Variants in TRMU observed in about 807,000 individuals in gnomAD.
TRMU encodes mitochondrial tRNA-specific 2-thiouridylase 1.
TRMU carries 49 observed loss-of-function variants against 46.9 expected under a neutral mutation model. The ratio of observed to expected loss-of-function variants is 1.05; its 90% CI spans 0.83 to 1.33. The LOEUF (loss-of-function observed/expected upper bound fraction) is 1.33, where lower values mean the gene tolerates loss of function less well. Among genes scored for constraint, TRMU ranks in the 40% most tolerant of loss-of-function variants. TRMU has a pLI of 0.00. For missense variants in TRMU, 572 were observed against 532.4 expected, an observed-to-expected ratio of 1.07 and a Z score of -0.73; for synonymous variants, 241 against 200.9, an observed-to-expected ratio of 1.20 and a Z score of -1.69.
In TRMU at chr22:46,353,884, C is replaced by T. The variant is rs1417829103; in HGVS notation, c.873+17C>T. On this transcript the variant is annotated intron_variant, in intron 8 of 10. Coordinates refer to ENST00000645190, the MANE Select transcript of TRMU (RefSeq NM_018006.5). ...GTGTTTGTGGTGAGTGGGCCGGCCT[C>T]TGAGACAGCACTGGGGCTGGTTCTG... 2 of 1,611,734 alleles carry T rather than the reference C, an allele frequency of 1.2e-6. No homozygotes were observed. The highest frequency in any genetic ancestry group is 1.1e-5 in the South Asian group (1 of 90,972).
chr22:46,343,776 C>T (rs115344450), intron 3 of TRMU, among the ~76,000 whole-genome samples: 1,633 of 152,098 alleles, frequency 0.011, 30 homozygotes, highest in African/African-American at 0.038. Flanking sequence ...TCTTCCTGTC[C>T]CCTGCCATTG....
rs1569091921 is a variant in TRMU at position 46,357,112 on chromosome 22, G to T, written c.*106G>T. On this transcript the variant is annotated 3_prime_UTR_variant, in exon 11 of 11. Transcript: ENST00000645190. The stretch of plus-strand genomic sequence containing the variant: ...CCAGCTTGCTGCTGCCCAAAGCAGA[G>T]GAAGCCGGGCTGGCTGAGGGTCCGA... The T allele has an allele frequency of 2.3e-5, 35 of 1,520,686 alleles. No individual in the cohort carries two copies. Among genetic ancestry groups the T allele is most frequent in the Non-Finnish European group, 3.1e-5 (35 of 1,118,172 alleles). The allele number at this position is 1,520,686 out of a possible 1,614,324, so 94.2% of individuals were successfully genotyped here. A position where few individuals can be genotyped will look rare whatever the true frequency, so the allele number is the denominator to read the frequency against.
At position 46,350,643 on chromosome 22, in the gene TRMU, A is replaced by T. The variant is rs2078392264; in HGVS notation, c.651+180A>T. 6.6e-6 allele frequency among the ~76,000 whole-genome samples: 1 copy of T among 152,192 alleles called. No individual in the cohort carries two copies. The highest frequency in any genetic ancestry group is 2.4e-5 in the African/African-American group (1 of 41,456). ...AGGCGCACGGTACAGGGCTCTGCTGACATCGGGAGCAGCCTATACGAGACT... is the reference window on the plus strand; with the variant it reads ...AGGCGCACGGTACAGGGCTCTGCTGTCATCGGGAGCAGCCTATACGAGACT... On this transcript the variant is annotated intron_variant, in intron 5 of 10. Coordinates refer to ENST00000645190, the MANE Select transcript of TRMU (RefSeq NM_018006.5). The surrounding 1 kb of genome is among the most constrained non-coding windows in gnomAD (Gnocchi z 4.6).
chr22:46,346,637 C>T, intron 4 of TRMU, 93 bp downstream of exon 4: 1 of 1,438,596 alleles, frequency 7.0e-7, no homozygotes. Context: ...GGATCACTGC[C>T]ACCCCTCCCT....
chr22:46,356,683 C>A, intron 10 of TRMU, 159 bp from the exon 11 acceptor site: 3 of 867,246 alleles, frequency 3.5e-6, no homozygotes, highest in Non-Finnish European at 3.6e-6. Context: ...CTCTCCTCTC[C>A]TGTTCAGCAG....
chr22:46,338,078 C>A lies in TRMU; in HGVS notation c.248+134C>A. The A allele has an allele frequency of 7.8e-7, 1 of 1,279,002 alleles. No homozygotes were observed. Among genetic ancestry groups the A allele is most frequent in the Non-Finnish European group, 1.1e-6 (1 of 889,324 alleles). The allele number at this position is 1,279,002 out of a possible 1,614,324, so 79.2% of individuals were successfully genotyped here. A position where few individuals can be genotyped will look rare whatever the true frequency, so the allele number is the denominator to read the frequency against. On this transcript the variant is annotated intron_variant, in intron 2 of 10. Coordinates refer to ENST00000645190, the MANE Select transcript of TRMU (RefSeq NM_018006.5). The surrounding 1 kb of genome is among the most constrained non-coding windows in gnomAD (Gnocchi z 4.5). The stretch of plus-strand genomic sequence containing the variant: ...CCCTCCACGGTGGTGCTGAAGACTG[C>A]AAGAGGCCTCAGCCACCCTCGGGGC...
intron 4 of TRMU, among the ~76,000 whole-genome samples, chr22:46,346,809 G>T (rs1056872872): frequency 1.3e-5 from 2 of 152,240 alleles, no homozygotes; most frequent in Non-Finnish European, 2.9e-5. Flanking sequence ...TCCAGCTCTC[G>T]ACACTGTGTG....
chr22:46,354,571 G>A (rs2078538320), intron 8 of TRMU: 1 of 152,924 alleles, frequency 6.5e-6, no homozygotes, highest in Non-Finnish European at 1.5e-5. Context: ...CTCATGTTCT[G>A]GCACGAATGC....
Position 46,336,236 on chromosome 22 carries a change from C to G in TRMU, c.82+390C>G. 1.1e-6 allele frequency: 1 copy of G among 897,916 alleles called. No homozygotes were observed. The highest frequency in any genetic ancestry group is 1.4e-6 in the Non-Finnish European group (1 of 717,218). 55.6% of individuals were successfully genotyped at this position (897,916 alleles called of 1,614,324 possible). On this transcript the variant is annotated intron_variant, in intron 1 of 10. Coordinates refer to ENST00000645190, the MANE Select transcript of TRMU (RefSeq NM_018006.5). The surrounding 1 kb of genome is among the most constrained non-coding windows in gnomAD (Gnocchi z 4.1). ...GGGATCGCCGGGCCGGGGGCCTGACCTCTGCACACGCTGTGGCCGCCCGGT... is the reference window on the plus strand; with the variant it reads ...GGGATCGCCGGGCCGGGGGCCTGACGTCTGCACACGCTGTGGCCGCCCGGT...
chr22:46,356,802 TCCCTGTGGCAC>T (rs747230121), intron 10 of TRMU, 29 bp from the exon 11 acceptor site: 1 of 1,610,542 alleles, frequency 6.2e-7, no homozygotes, highest in Non-Finnish European at 8.5e-7. Context: ...CTCGGCTGGC[TCCCTGTGGCAC>T]CCCTGATGCC....
Position 46,348,887 on chromosome 22 carries a change from C to T in TRMU, c.479-1404C>T, listed in dbSNP as rs537066126. Among the ~76,000 whole-genome samples the T allele has an allele frequency of 1.3e-5, 2 of 152,168 alleles. No homozygotes were observed. Among genetic ancestry groups the T allele is most frequent in the South Asian group, 4.2e-4 (2 of 4,812 alleles). On this transcript the variant is annotated intron_variant, in intron 4 of 10. Coordinates refer to ENST00000645190, the MANE Select transcript of TRMU (RefSeq NM_018006.5). The surrounding 1 kb of genome is among the most constrained non-coding windows in gnomAD (Gnocchi z 4.8). ...CGGTGGCTCATGCCTGTAATCACAG[C>T]ACTTTGGGAAGCCAAGGCAGGCGGA...
chr22:46,343,115 G>A (rs976280797), intron 2 of TRMU, 147 bp from the exon 3 acceptor site: 9 of 661,176 alleles, frequency 1.4e-5, no homozygotes, highest in African/African-American at 3.7e-5. Context: ...ACAAATGTTC[G>A]ATGACTGACG....
chr22:46,356,330 C>T, intron 10 of TRMU: 1 of 534,634 alleles, frequency 1.9e-6, no homozygotes, highest in South Asian at 2.0e-5. Flanking sequence ...GCCCGGGCCC[C>T]AGAAGCGAGG....
At chr22:46,345,538 A>G (rs1213833926) in intron 3 of TRMU, among the ~76,000 whole-genome samples, 1 of 152,224 alleles carries the variant, frequency 6.6e-6, no homozygotes, top group African/African-American at 2.4e-5. Context: ...AAGAGGAGAA[A>G]CGACACCTAT....
Position 46,346,511 on chromosome 22 carries a change from G to T in TRMU, c.445G>T (p.Gly149Trp), listed in dbSNP as rs11541598. The T allele has an allele frequency of 1.2e-6, 2 of 1,612,984 alleles. No homozygotes were observed. The highest frequency in any genetic ancestry group is 2.2e-5 in the South Asian group (2 of 90,936). The change falls in exon 4 of 11, where the codon GGG (glycine) becomes TGG (tryptophan). Residue 149 changes from glycine (G) to tryptophan (W), a missense_variant. Coordinates refer to ENST00000645190, the MANE Select transcript of TRMU (RefSeq NM_018006.5). The part of the protein sequence containing the change: ...FEQKHVKKPE[G>W]LFRNRFEVRN... ...GCAGAAGCACGTTAAGAAGCCCGAA[G>T]GGCTTTTCAGAAATCGGTTTGAAGT...
Position 46,347,366 on chromosome 22 carries a change from T to A in TRMU, c.478+822T>A, listed in dbSNP as rs759715498. 3.9e-5 allele frequency: 6 copies of A among 152,096 alleles called. No individual in the cohort carries two copies. The highest frequency in any genetic ancestry group is 7.3e-5 in the Non-Finnish European group (5 of 68,032). 9.4% of individuals were successfully genotyped at this position (152,096 alleles called of 1,614,324 possible). ...TTAATTATTATTATTAATTTTATTTTTTTGAGAGAGGATCTCACTCTGTCA... is the reference window on the plus strand; with the variant it reads ...TTAATTATTATTATTAATTTTATTTATTTGAGAGAGGATCTCACTCTGTCA... On this transcript the variant is annotated intron_variant, in intron 4 of 10. Transcript: ENST00000645190. This position sits in a 1 kb window ranked among gnomAD's most constrained non-coding sequence, Gnocchi z 5.0.
intron 3 of TRMU, among the ~76,000 whole-genome samples, chr22:46,343,958 G>A (rs1280342913): frequency 1.3e-5 from 2 of 152,076 alleles, no homozygotes; most frequent in Non-Finnish European, 2.9e-5. Flanking sequence ...CAATATGTCA[G>A]CAACCTAAAG....
rs1355168530 is a variant in TRMU at position 46,339,435 on chromosome 22, C to T, written c.248+1491C>T. On this transcript the variant is annotated intron_variant, in intron 2 of 10. Transcript: ENST00000645190. The surrounding 1 kb of genome is among the most constrained non-coding windows in gnomAD (Gnocchi z 4.8). ...AAAGTGCTGGGATTACAGGCGTGAG[C>T]CACCACGCCAGCCTGCTATTTTTAT... Among the ~76,000 whole-genome samples the T allele has an allele frequency of 6.6e-6, 1 of 152,214 alleles. No individual in the cohort carries two copies. The highest frequency in any genetic ancestry group is 1.5e-5 in the Non-Finnish European group (1 of 68,042).
rs1026855654 is a variant in TRMU, at chr22:46,346,667, G to A, written c.478+123G>A. The A allele has an allele frequency of 7.4e-6, 9 of 1,210,114 alleles. 1 individual carries two copies. The South Asian group carries it at 1.1e-4, about 15-fold the overall frequency. 75.0% of individuals were successfully genotyped at this position (1,210,114 alleles called of 1,614,324 possible). On this transcript the variant is annotated intron_variant, in intron 4 of 10. Coordinates refer to ENST00000645190, the MANE Select transcript of TRMU (RefSeq NM_018006.5). ...CTCCCTCTGTGCTCCAGAGTAGCTT[G>A]TATGGGATTCACATTTGAAAAGGTG... is the stretch of plus-strand genomic sequence containing the variant.
Sources: allele counts gnomAD v4.1 joint callset (sites outside exome capture counted in the v4.1 genomes callset), GRCh38; gene constraint gnomAD v4.1.1; non-coding constraint Gnocchi (gnomAD v3.1); transcripts MANE v1.5; gene names NCBI Gene and HGNC (gene_info 2026-07-23, HGNC 2026-07-21).